G3BP1: variants seen among roughly 807,000 people sequenced by gnomAD.
G3BP1 encodes G3BP stress granule assembly factor 1, also known as ras GTPase-activating protein-binding protein 1.
In G3BP1, 35 loss-of-function variants were observed where a neutral mutation model predicts 58.6. That is an observed-to-expected ratio of 0.60 (90% CI 0.46 to 0.79). G3BP1 has a LOEUF of 0.79. G3BP1 is among the 30% of genes least tolerant of loss of function. G3BP1 has a pLI of 0.00. For synonymous variants in G3BP1, 191 were observed against 195.4 expected (o/e 0.98, Z 0.19); for missense variants, 523 against 580.8 (o/e 0.90, Z 1.02).
intron 11 of G3BP1, among the ~76,000 whole-genome samples, chr5:151,803,067 C>T (rs747561219): frequency 6.4e-4 from 98 of 152,284 alleles, no homozygotes; most frequent in Non-Finnish European, 2.8e-4. Context: ...TGAAATGTTT[C>T]GTAGCCCCTT....
intron 4 of G3BP1, chr5:151,791,775 G>A (rs994275844): frequency 5.1e-6 from 1 of 194,694 alleles, no homozygotes; most frequent in Non-Finnish European, 1.1e-5. Context: ...TCCTGACTCA[G>A]CCTCCCGAGT....
rs1200286585 is a variant in G3BP1 at position 151,810,610 on chromosome 5, CTG to C, written c.*6521_*6522del. The stretch of plus-strand genomic sequence containing the variant: ...TTATCTGTTTTACTACTTTACTAGA[CTG>C]TAAGCTCCTAGAAGATAAGGACTAG... On this transcript the variant is annotated 3_prime_UTR_variant, in exon 12 of 12. Transcript: ENST00000356245. 2 of 152,336 alleles carry C rather than the reference CTG, an allele frequency of 1.3e-5. No homozygotes were observed. Among genetic ancestry groups the C allele is most frequent in the African/African-American group, 4.8e-5 (2 of 41,578 alleles). The allele number at this position is 152,336 out of a possible 1,614,324, so 9.4% of individuals were successfully genotyped here.
chr5:151,781,049 C>T (rs1762462586), intron 1 of G3BP1, among the ~76,000 whole-genome samples: 1 of 151,042 alleles, frequency 6.6e-6, no homozygotes. Context: ...AGATTTGTAA[C>T]AATTTGAAAA....
chr5:151,803,581 C>T (rs1581584865), intron 11 of G3BP1, among the ~76,000 whole-genome samples: 1 of 152,130 alleles, frequency 6.6e-6, no homozygotes, highest in African/African-American at 2.4e-5. Flanking sequence ...CAACCTCCGC[C>T]TCCTGGGTTC....
Position 151,811,852 on chromosome 5 carries a change from A to G in G3BP1, c.*7761A>G, listed in dbSNP as rs968265188. ...TTAAGGCCATACCAAGTTTATACAT[A>G]TATACAAAGAAATTTCCATATAAAA... On this transcript the variant is annotated 3_prime_UTR_variant, in exon 12 of 12. Coordinates refer to ENST00000356245, the MANE Select transcript of G3BP1 (RefSeq NM_005754.3). The G allele has an allele frequency of 7.2e-5, 11 of 152,218 alleles. No homozygotes were observed. Among genetic ancestry groups the G allele is most frequent in the Non-Finnish European group, 1.6e-4 (11 of 68,042 alleles). The allele number at this position is 152,218 out of a possible 1,614,324, so 9.4% of individuals were successfully genotyped here.
At chr5:151,796,637 C>T (rs1405513068) in intron 6 of G3BP1, among the ~76,000 whole-genome samples, 1 of 152,142 alleles carries the variant, frequency 6.6e-6, no homozygotes, top group Non-Finnish European at 1.5e-5. Context: ...TAACTATTTT[C>T]TCCCCCAAAT....
At position 151,805,477 on chromosome 5, in the gene G3BP1, T is replaced by C. The variant is rs1313864357; in HGVS notation, c.*1386T>C. 1.3e-5 allele frequency: 2 copies of C among 152,388 alleles called. No individual in the cohort carries two copies. Among genetic ancestry groups the C allele is most frequent in the Non-Finnish European group, 2.9e-5 (2 of 68,042 alleles). The allele number at this position is 152,388 out of a possible 1,614,324, so 9.4% of individuals were successfully genotyped here. ...CTTTTGTGTGATTGTCATTACTAAT[T>C]GAAGGGCAACCAGGTTGTAAAATTC... On this transcript the variant is annotated 3_prime_UTR_variant, in exon 12 of 12. Coordinates refer to ENST00000356245, the MANE Select transcript of G3BP1 (RefSeq NM_005754.3).
rs1762829216 is a variant in G3BP1 at position 151,800,293 on chromosome 5, T to C, written c.1031T>C (p.Ile344Thr). The change falls in exon 10 of 12, where the codon ATT (isoleucine) becomes ACT (threonine). Residue 344 changes from isoleucine to threonine, a missense_variant. Coordinates refer to ENST00000356245, the MANE Select transcript of G3BP1 (RefSeq NM_005754.3). ...CACCCTGACAGTCACCAACTCTTCA[T>C]TGGCAACCTGCCTCATGAAGTGGAC... ...VRHPDSHQLF[I>T]GNLPHEVDKS... 7 of 1,613,148 alleles carry C rather than the reference T, an allele frequency of 4.3e-6. No individual in the cohort carries two copies. Among genetic ancestry groups the C allele is most frequent in the Non-Finnish European group, 4.2e-6 (5 of 1,179,272 alleles).
intron 1 of G3BP1, among the ~76,000 whole-genome samples, chr5:151,774,639 A>G (rs1762336097): frequency 6.6e-6 from 1 of 151,146 alleles, no homozygotes; most frequent in East Asian, 1.9e-4. Context: ...GTTTAATTAT[A>G]TTGTGCTTTG....
rs1484307296 is a variant in G3BP1 at position 151,804,024 on chromosome 5, C to T, written c.1334C>T (p.Pro445Leu). 3 of 1,613,298 alleles carry T rather than the reference C, an allele frequency of 1.9e-6. No homozygotes were observed. Among genetic ancestry groups the T allele is most frequent in the Non-Finnish European group, 2.5e-6 (3 of 1,179,678 alleles). Residue 445 changes from proline (P) to leucine (L), a missense_variant, in exon 12 of 12, where the codon CCT becomes CTT. Coordinates refer to ENST00000356245, the MANE Select transcript of G3BP1 (RefSeq NM_005754.3). ...RGGLGGGMRGPPRGGMVQKPG... is the reference protein window; with the variant it reads ...RGGLGGGMRGLPRGGMVQKPG... The stretch of plus-strand genomic sequence containing the variant: ...GGGCTGGGTGGTGGAATGAGAGGCC[C>T]TCCCCGTGGAGGCATGGTGCAGAAA...
rs770972060 is a variant in G3BP1 at position 151,800,280 on chromosome 5, C to T, written c.1018C>T (p.His340Tyr). Reference protein sequence around the residue: ...PRRMVRHPDSHQLFIGNLPHE... With the variant: ...PRRMVRHPDSYQLFIGNLPHE... Reference sequence around the variant, plus strand: ...AAGAATGGTGAGACACCCTGACAGTCACCAACTCTTCATTGGCAACCTGCC... The same window carrying T: ...AAGAATGGTGAGACACCCTGACAGTTACCAACTCTTCATTGGCAACCTGCC... The change falls in exon 10 of 12, where the codon CAC becomes TAC. Residue 340 changes from histidine (H) to tyrosine (Y), a missense_variant. His to Tyr is a moderately conservative substitution (Grantham distance 83, BLOSUM62 2). Around this residue, in one of 2 missense-constraint regions of G3BP1, gnomAD observed 125 missense variants for 181.7 expected, o/e 0.69. Coordinates refer to ENST00000356245, the MANE Select transcript of G3BP1 (RefSeq NM_005754.3). 1.9e-6 allele frequency: 3 copies of T among 1,611,956 alleles called. No homozygotes were observed. Among genetic ancestry groups the T allele is most frequent in the African/African-American group, 1.3e-5 (1 of 74,878 alleles).
At chr5:151,784,808 A>G (rs917872078) in intron 1 of G3BP1, among the ~76,000 whole-genome samples, 2 of 152,186 alleles carry the variant, frequency 1.3e-5, no homozygotes, top group African/African-American at 4.8e-5. Flanking sequence ...AATAGATAAT[A>G]TATTTATTTA....
In G3BP1 at chr5:151,797,415, A is replaced by G; in HGVS notation, c.728A>G (p.Gln243Arg). Residue 243 changes from glutamine (Q) to arginine (R), a missense_variant, in exon 7 of 12, where the codon CAG becomes CGG. Gln to Arg is a conservative substitution (Grantham distance 43). This residue lies in a region of G3BP1 where 398 missense variants were observed against 399.1 expected (regional missense o/e 1.00). Transcript: ENST00000356245. ...PAPADIAQTV[Q>R]EDLRTFSWAS... ...CCTGCAGACATAGCTCAGACAGTAC[A>G]GGAAGACTTGAGGGTATGAAACGTG... 6.2e-7 allele frequency: 1 copy of G among 1,610,206 alleles called. No homozygotes were observed. The highest frequency in any genetic ancestry group is 1.1e-5 in the South Asian group (1 of 90,814).
intron 1 of G3BP1, among the ~76,000 whole-genome samples, chr5:151,782,760 T>C (rs1196433709): frequency 3.3e-5 from 5 of 152,032 alleles, no homozygotes; most frequent in Admixed American, 2.0e-4. Flanking sequence ...AAAAAAATTA[T>C]TCCCCCCCAG....
chr5:151,782,755 A>G (rs1762488637), intron 1 of G3BP1, among the ~76,000 whole-genome samples: 1 of 152,074 alleles, frequency 6.6e-6, no homozygotes. Context: ...TTTTTAAAAA[A>G]ATTATTCCCC....
At chr5:151,772,162 C>G (rs1246143953) in intron 1 of G3BP1, 126 bp downstream of exon 1, 1 of 151,020 alleles carries the variant, frequency 6.6e-6, no homozygotes, top group Non-Finnish European at 1.5e-5. Flanking sequence ...CCCCAACCCC[C>G]ACCCCAACGG....
intron 1 of G3BP1, among the ~76,000 whole-genome samples, chr5:151,780,203 CTG>C (rs1356339655): frequency 6.6e-6 from 1 of 152,132 alleles, no homozygotes; most frequent in African/African-American, 2.4e-5. Flanking sequence ...GTTACTTACT[CTG>C]TTTTGTTTGC....
intron 1 of G3BP1, among the ~76,000 whole-genome samples, chr5:151,776,372 T>C (rs1477556549): frequency 6.6e-6 from 1 of 152,174 alleles, no homozygotes; most frequent in Non-Finnish European, 1.5e-5. Context: ...CAAGTCCAGC[T>C]CACACTCAAG....
At chr5:151,783,825 C>T (rs1040381873) in intron 1 of G3BP1, among the ~76,000 whole-genome samples, 1 of 151,910 alleles carries the variant, frequency 6.6e-6, no homozygotes, top group Non-Finnish European at 1.5e-5. Flanking sequence ...TGCAGTAGTG[C>T]GATCTCAGCT....
Sources: allele counts gnomAD v4.1 joint callset (sites outside exome capture counted in the v4.1 genomes callset), GRCh38; gene constraint gnomAD v4.1.1; regional missense constraint gnomAD v4.1.1; transcripts MANE v1.5; gene names NCBI Gene and HGNC (gene_info 2026-07-23, HGNC 2026-07-21).